The following PTAR1 variants were observed in gnomAD, a reference collection of about 807,000 sequenced individuals.
PTAR1 encodes protein prenyltransferase alpha subunit repeat-containing protein 1.
Under a neutral mutation model 45.5 loss-of-function variants are expected in PTAR1, and 17 were observed. The observed-to-expected ratio is 0.37, with a 90% CI of 0.26 to 0.56. The LOEUF is 0.56. PTAR1 is among the 20% of genes least tolerant of loss of function. The pLI is 0.77. For synonymous variants in PTAR1, 169 were observed against 171.3 expected (o/e 0.99, Z 0.11); for missense variants, 391 against 476.3 (o/e 0.82, Z 1.67).
intron 3 of PTAR1, chr9:69,741,503 T>G (rs562475842): frequency 3.0e-6 from 1 of 338,116 alleles, no homozygotes; most frequent in East Asian, 5.5e-5. Context: ...GTTATGCCCA[T>G]TGCCCATTAG....
rs904313266 is a variant in PTAR1 at position 69,713,508 on chromosome 9, T to C, written c.*4834A>G. The C allele has an allele frequency of 5.3e-5, 8 of 152,178 alleles. No individual in the cohort carries two copies. Among genetic ancestry groups the C allele is most frequent in the African/African-American group, 1.4e-4 (6 of 41,460 alleles). 9.4% of individuals were successfully genotyped at this position (152,178 alleles called of 1,614,324 possible). On this transcript the variant is annotated 3_prime_UTR_variant, in exon 8 of 8. Coordinates refer to ENST00000340434, the MANE Select transcript of PTAR1 (RefSeq NM_001099666.2). The stretch of plus-strand genomic sequence containing the variant: ...ATAAAATGATACATTTAAAATTTCA[T>C]CTACGCATTTACTTCTTTTCCTCCA...
chr9:69,736,904 C>A (rs779658549), intron 3 of PTAR1, among the ~76,000 whole-genome samples: 3 of 152,088 alleles, frequency 2.0e-5, no homozygotes, highest in Non-Finnish European at 4.4e-5. Flanking sequence ...AATATATGGA[C>A]ACTGAAAAAG....
Position 69,716,307 on chromosome 9 carries a change from T to C in PTAR1, c.*2035A>G, listed in dbSNP as rs910177305. 1 of 152,162 alleles carries C rather than the reference T, an allele frequency of 6.6e-6. No homozygotes were observed. The highest frequency in any genetic ancestry group is 6.6e-5 in the Admixed American group (1 of 15,252). The allele number at this position is 152,162 out of a possible 1,614,324, so 9.4% of individuals were successfully genotyped here. A position where few individuals can be genotyped will look rare whatever the true frequency, so the allele number is the denominator to read the frequency against. On this transcript the variant is annotated 3_prime_UTR_variant, in exon 8 of 8. Coordinates refer to ENST00000340434, the MANE Select transcript of PTAR1 (RefSeq NM_001099666.2). The stretch of plus-strand genomic sequence containing the variant: ...ACTTATGATTTTATCCATAGAGGTC[T>C]AGGTGGACCTTGAGGTATTTAATTC...
At chr9:69,741,638 G>A (rs921940904) in intron 3 of PTAR1, 154 bp downstream of exon 3, 2 of 566,932 alleles carry the variant, frequency 3.5e-6, no homozygotes, top group Admixed American at 6.0e-5. Context: ...GGGGCAAAAT[G>A]CCTATTTAGA....
At chr9:69,744,958 G>C (rs1198856931) in intron 2 of PTAR1, among the ~76,000 whole-genome samples, 1 of 152,152 alleles carries the variant, frequency 6.6e-6, no homozygotes, top group Non-Finnish European at 1.5e-5. Flanking sequence ...ACCTGGGTTT[G>C]AATCCCAGCT....
chr9:69,756,428 G>A (rs952862795), intron 1 of PTAR1, among the ~76,000 whole-genome samples: 2 of 152,088 alleles, frequency 1.3e-5, no homozygotes, highest in African/African-American at 4.8e-5. Context: ...GACCATGTGT[G>A]GTTTGTTCAT....
At position 69,734,258 on chromosome 9, in the gene PTAR1, T is replaced by TAAAAAAA. The variant is rs398010830; in HGVS notation, c.324-11_324-5dup. ...GCCAGAGAGGATCAGCTCTTTCCTGTAAAAAAAAAAAAAAAAAAAAAAAAA... is the reference window on the plus strand; with the variant it reads ...GCCAGAGAGGATCAGCTCTTTCCTGTAAAAAAAAAAAAAAAAAAAAAAAAAAAAAAAA... On this transcript the variant is annotated splice_polypyrimidine_tract_variant and splice_region_variant and intron_variant, in intron 3 of 7. Coordinates refer to ENST00000340434, the MANE Select transcript of PTAR1 (RefSeq NM_001099666.2). The TAAAAAAA allele has an allele frequency of 1.6e-4, 33 of 207,682 alleles. No individual in the cohort carries two copies. Among genetic ancestry groups the TAAAAAAA allele is most frequent in the South Asian group, 5.5e-4 (6 of 10,972 alleles). The allele number at this position is 207,682 out of a possible 1,614,324, so 12.9% of individuals were successfully genotyped here. A position where few individuals can be genotyped will look rare whatever the true frequency, so the allele number is the denominator to read the frequency against.
Position 69,716,689 on chromosome 9 carries a change from T to C in PTAR1, c.*1653A>G, listed in dbSNP as rs897628017. 2.6e-5 allele frequency: 4 copies of C among 152,198 alleles called. No individual in the cohort carries two copies. Among genetic ancestry groups the C allele is most frequent in the African/African-American group, 4.8e-5 (2 of 41,456 alleles). The allele number at this position is 152,198 out of a possible 1,614,324, so 9.4% of individuals were successfully genotyped here. A position where few individuals can be genotyped will look rare whatever the true frequency, so the allele number is the denominator to read the frequency against. ...AGTAAAAAGAACAACAGGCAAAGCA[T>C]TGTTGTCACACTTATTTCTGCCACT... On this transcript the variant is annotated 3_prime_UTR_variant, in exon 8 of 8. Coordinates refer to ENST00000340434, the MANE Select transcript of PTAR1 (RefSeq NM_001099666.2).
At chr9:69,729,347 A>G (rs1307520432) in intron 5 of PTAR1, among the ~76,000 whole-genome samples, 2 of 152,158 alleles carry the variant, frequency 1.3e-5, no homozygotes, top group East Asian at 3.9e-4. Flanking sequence ...TAATAATATT[A>G]GGCCTACCCT....
At chr9:69,758,663 G>C (rs1178628980) in intron 1 of PTAR1, 4 of 398,298 alleles carry the variant, frequency 1.0e-5, no homozygotes, top group Admixed American at 5.0e-5. Context: ...CCACAAGGGA[G>C]CAAAACATCC....
At chr9:69,737,495 T>C (rs954292030) in intron 3 of PTAR1, among the ~76,000 whole-genome samples, 1 of 152,166 alleles carries the variant, frequency 6.6e-6, no homozygotes, top group African/African-American at 2.4e-5. Context: ...TCAAACAACT[T>C]AGATATACTA....
chr9:69,720,554 A>T (rs1255224503), intron 6 of PTAR1, among the ~76,000 whole-genome samples: 3 of 152,228 alleles, frequency 2.0e-5, no homozygotes, highest in African/African-American at 7.2e-5. Flanking sequence ...AGCTAAGATC[A>T]CTGATGAAGG....
Position 69,715,118 on chromosome 9 carries a change from A to G in PTAR1, c.*3224T>C, listed in dbSNP as rs1824677718. ...TTCTTTAGCTCTACAAATTTTTAAT[A>G]TATATTATAATACAGTTAATTGACA... On this transcript the variant is annotated 3_prime_UTR_variant, in exon 8 of 8. Transcript: ENST00000340434. The G allele has an allele frequency of 6.6e-6, 1 of 152,050 alleles. No homozygotes were observed. Among genetic ancestry groups the G allele is most frequent in the Non-Finnish European group, 1.5e-5 (1 of 67,974 alleles). 9.4% of individuals were successfully genotyped at this position (152,050 alleles called of 1,614,324 possible).
chr9:69,732,376 G>C (rs952284126), intron 4 of PTAR1, 24 bp from the exon 5 acceptor site: 4 of 1,510,648 alleles, frequency 2.6e-6, no homozygotes, highest in Non-Finnish European at 3.7e-6. Context: ...ATGTGGGAAA[G>C]AGAACACAGA....
At chr9:69,730,147 G>A (rs960531487) in intron 5 of PTAR1, among the ~76,000 whole-genome samples, 1 of 152,070 alleles carries the variant, frequency 6.6e-6, no homozygotes, top group South Asian at 2.1e-4. Context: ...ACTCCTCACT[G>A]ACAACAAGAG....
In PTAR1 at chr9:69,723,641, G is replaced by A. The variant is rs1271504932; in HGVS notation, c.643-11C>T. On this transcript the variant is annotated splice_polypyrimidine_tract_variant and intron_variant, in intron 5 of 7. Transcript: ENST00000340434. ...TTCATCAAGAAGAATCTTTTAAGAA[G>A]AAAAAAGGGAAGTAAGAAGAAGAGT... The A allele has an allele frequency of 5.1e-6, 8 of 1,573,488 alleles. No individual in the cohort carries two copies. Among genetic ancestry groups the A allele is most frequent in the Admixed American group, 3.7e-5 (2 of 53,494 alleles).
intron 3 of PTAR1, among the ~76,000 whole-genome samples, chr9:69,734,623 C>T (rs1825699091): frequency 6.6e-6 from 1 of 152,162 alleles, no homozygotes; most frequent in South Asian, 2.1e-4. Flanking sequence ...TAGGGCCAAT[C>T]CAATACCAGC....
intron 2 of PTAR1, among the ~76,000 whole-genome samples, chr9:69,742,368 TTGTTCTA>T (rs1377890565): frequency 3.3e-5 from 5 of 152,102 alleles, no homozygotes; most frequent in Admixed American, 3.3e-4. Context: ...ATGTACAACT[TTGTTCTA>T]TATTTTTCAC....
intron 1 of PTAR1, among the ~76,000 whole-genome samples, chr9:69,754,729 T>A (rs1826692480): frequency 6.7e-6 from 1 of 149,636 alleles, no homozygotes; most frequent in Non-Finnish European, 1.5e-5. Flanking sequence ...TATATTTTTT[T>A]TTTTTGGTAG....
Sources: allele counts gnomAD v4.1 joint callset (sites outside exome capture counted in the v4.1 genomes callset), GRCh38; gene constraint gnomAD v4.1.1; transcripts MANE v1.5; gene names NCBI Gene and HGNC (gene_info 2026-07-23, HGNC 2026-07-21).